PAPLN: variants seen among roughly 807,000 people sequenced by gnomAD.
PAPLN encodes the protein papilin.
Under a neutral mutation model 159.0 loss-of-function variants are expected in PAPLN, and 146 were observed. The ratio of observed to expected loss-of-function variants is 0.92; its 90% CI spans 0.80 to 1.05. The LOEUF (loss-of-function observed/expected upper bound fraction) is 1.05, where lower values mean the gene tolerates loss of function less well. PAPLN is among the 50% of genes least tolerant of loss of function. The pLI is 0.00. For missense variants in PAPLN, 1,720 were observed against 1,743.9 expected, an observed-to-expected ratio of 0.99 and a Z score of 0.24; for synonymous variants, 734 against 702.9, an observed-to-expected ratio of 1.04 and a Z score of -0.70.
At chr14:73,269,495 A>ACCAT (rs1887512428) in intron 26 of PAPLN, among the ~76,000 whole-genome samples, 1 of 152,258 alleles carries the variant, frequency 6.6e-6, no homozygotes, top group African/African-American at 2.4e-5. Flanking sequence ...CAATTCTGAT[A>ACCAT]CCATCAATTA....
rs367667132 is a variant in PAPLN, at chr14:73,262,354, C to A, written c.2250C>A (p.Tyr750Ter). The stretch of plus-strand genomic sequence containing the variant: ...TATCACACCCATGCCCTGCAGCCTA[C>A]CCCGTGCGGTGCCTGCTGCCCAGTG... Reference protein sequence around the residue: ...EGCVGQPSHAYPVRCLLPSAH... With the variant: ...EGCVGQPSHA Residue 750 changes from tyrosine (Y) to a stop codon, truncating the protein, a stop_gained, in exon 19 of 27, where the codon TAC becomes TAA. Transcript: ENST00000644200. LOFTEE classifies it high-confidence loss of function. 5 of 1,610,166 alleles carry A rather than the reference C, an allele frequency of 3.1e-6. No individual in the cohort carries two copies. The African/African-American group carries it at 6.7e-5, about 21-fold the overall frequency.
Position 73,265,222 on chromosome 14 carries a change from T to C in PAPLN, c.3126-148T>C. The stretch of plus-strand genomic sequence containing the variant: ...TTCACCCCAGGTAGTTATTGACCAT[T>C]TCCTAACCAGAACAAGGCAGGGGAT... On this transcript the variant is annotated intron_variant, in intron 22 of 26. Transcript: ENST00000644200. This position sits in a 1 kb window ranked among gnomAD's most constrained non-coding sequence, Gnocchi z 4.1. The C allele has an allele frequency of 5.3e-6, 7 of 1,313,210 alleles. No individual in the cohort carries two copies. The East Asian group carries it at 7.4e-5, about 14-fold the overall frequency. The allele number at this position is 1,313,210 out of a possible 1,614,324, so 81.3% of individuals were successfully genotyped here. A position where few individuals can be genotyped will look rare whatever the true frequency, so the allele number is the denominator to read the frequency against.
Position 73,272,565 on chromosome 14 carries a change from G to C in PAPLN, c.3738G>C (p.Leu1246Phe), listed in dbSNP as rs538710096. 7.8e-5 allele frequency: 125 copies of C among 1,603,012 alleles called. No individual in the cohort carries two copies. In the Middle Eastern group the frequency reaches 2.1e-3, roughly 28 times the overall value. Residue 1246 changes from leucine (L) to phenylalanine (F), a missense_variant, in exon 27 of 27, where the codon TTG becomes TTC. Physicochemically the swap from Leu to Phe is conservative, Grantham distance 22. Transcript: ENST00000644200. ...VDQPELANCD[L>F]ILQAQLCGNE... is the part of the protein sequence containing the mutation. ...AGCCAGAGCTGGCCAACTGTGATTTGATCCTGCAGGCCCAGCTTTGTGGCA... is the reference window on the plus strand; with the variant it reads ...AGCCAGAGCTGGCCAACTGTGATTTCATCCTGCAGGCCCAGCTTTGTGGCA...
chr14:73,270,411 G>C (rs1446861382), intron 26 of PAPLN, among the ~76,000 whole-genome samples: 1 of 152,222 alleles, frequency 6.6e-6, no homozygotes, highest in Non-Finnish European at 1.5e-5. Context: ...CGGTGAACGG[G>C]AGCGTTAAAA....
intron 19 of PAPLN, 174 bp downstream of exon 19, chr14:73,263,001 G>A (rs535301646): frequency 1.9e-4 from 100 of 530,812 alleles, no homozygotes; most frequent in African/African-American, 1.8e-3. Flanking sequence ...GGAGAAGCTG[G>A]GGCTTCAGAG....
intron 2 of PAPLN, among the ~76,000 whole-genome samples, chr14:73,241,892 T>TC (rs1883590257): frequency 6.6e-6 from 1 of 152,250 alleles, no homozygotes; most frequent in South Asian, 2.1e-4. Flanking sequence ...GGCAGTTGAT[T>TC]CCCCTGGAAA....
intron 5 of PAPLN, 87 bp from the exon 6 acceptor site, chr14:73,249,897 C>T: frequency 7.0e-7 from 1 of 1,435,006 alleles, no homozygotes. Context: ...CTGACCCATG[C>T]TTTCCTGTTG....
At position 73,255,016 on chromosome 14, in the gene PAPLN, A is replaced by G; in HGVS notation, c.1625A>G (p.Gln542Arg). Reference protein sequence around the residue: ...PCNTQPCHLPQEVPSMQDVHT... With the variant: ...PCNTQPCHLPREVPSMQDVHT... Reference sequence around the variant, plus strand: ...AACACGCAGCCCTGTCATCTCCCCCAGGGTAAGGACAGGAGGGCAGGGAGG... The same window carrying G: ...AACACGCAGCCCTGTCATCTCCCCCGGGGTAAGGACAGGAGGGCAGGGAGG... Residue 542 changes from glutamine (Q) to arginine (R), a missense_variant and splice_region_variant, in exon 14 of 27, where the codon CAG becomes CGG. Transcript: ENST00000644200. 1.2e-6 allele frequency: 2 copies of G among 1,612,404 alleles called. No homozygotes were observed. Among genetic ancestry groups the G allele is most frequent in the Non-Finnish European group, 8.5e-7 (1 of 1,179,506 alleles).
chr14:73,266,502 C>T lies in PAPLN; in HGVS notation c.3265C>T (p.His1089Tyr), dbSNP rs1887224989. 1 of 1,613,792 alleles carries T rather than the reference C, an allele frequency of 6.2e-7. No individual in the cohort carries two copies. The highest frequency in any genetic ancestry group is 1.7e-5 in the Admixed American group (1 of 60,000). ...RDGQPVSSPRHQLQPDGSLVI... is the reference protein window; with the variant it reads ...RDGQPVSSPRYQLQPDGSLVI... Reference sequence around the variant, plus strand: ...CAACTGGCTGTACTTGGTCCCCAGACACCAGCTGCAGCCTGATGGCTCCCT... The same window carrying T: ...CAACTGGCTGTACTTGGTCCCCAGATACCAGCTGCAGCCTGATGGCTCCCT... Residue 1089 changes from histidine (H) to tyrosine (Y), a missense_variant and splice_region_variant, in exon 24 of 27, where the codon CAC becomes TAC. Transcript: ENST00000644200.
Position 73,239,810 on chromosome 14 carries a change from T to C in PAPLN, c.32T>C (p.Leu11Pro). MRLLLLVPLL[L>P]APAPGSSAPK... ...CTGCTCCTGCTCGTGCCGCTGCTGC[T>C]GGCTCCAGCGCCCGGGTCCTCGGTG... Residue 11 changes from leucine (L) to proline (P), a missense_variant, in exon 2 of 27, where the codon CTG becomes CCG. Physicochemically the swap from Leu to Pro is moderately conservative, Grantham distance 98 (BLOSUM62 -3). Transcript: ENST00000644200. The C allele has an allele frequency of 6.3e-7, 1 of 1,594,974 alleles. No homozygotes were observed. Among genetic ancestry groups the C allele is most frequent in the Non-Finnish European group, 8.5e-7 (1 of 1,176,364 alleles).
At position 73,268,544 on chromosome 14, in the gene PAPLN, C is replaced by T. The variant is rs777535602; in HGVS notation, c.3501-13C>T. 1.0e-5 allele frequency: 16 copies of T among 1,606,766 alleles called. No homozygotes were observed. The highest frequency in any genetic ancestry group is 2.7e-5 in the African/African-American group (2 of 74,736). On this transcript the variant is annotated splice_polypyrimidine_tract_variant and intron_variant, in intron 25 of 26. Coordinates refer to ENST00000644200, the MANE Select transcript of PAPLN (RefSeq NM_001365906.3). ...GGCCCTTGATGGCTCTCCCAGTGTCCTCTCTCCTCCAGGAACGGGCTACCT... is the reference window on the plus strand; with the variant it reads ...GGCCCTTGATGGCTCTCCCAGTGTCTTCTCTCCTCCAGGAACGGGCTACCT...
chr14:73,238,338 C>T (rs999564007), intron 1 of PAPLN, among the ~76,000 whole-genome samples: 1 of 152,236 alleles, frequency 6.6e-6, no homozygotes, highest in African/African-American at 2.4e-5. Context: ...GGTCCCTGCC[C>T]TCGGGCGGCA....
intron 26 of PAPLN, chr14:73,272,147 T>C (rs117634003): frequency 0.014 from 2,539 of 179,982 alleles, 30 homozygotes; most frequent in Middle Eastern, 0.022. Flanking sequence ...CAAGAACAGT[T>C]GTCATTTAGT....
rs1440140229 is a variant in PAPLN, at chr14:73,245,102, T to C, written c.170+343T>C. On this transcript the variant is annotated intron_variant, in intron 3 of 26. Transcript: ENST00000644200. The surrounding 1 kb of genome is among the most constrained non-coding windows in gnomAD (Gnocchi z 4.2). ...CAATTCCTGTGGTTTCTTTACCGAG[T>C]ACAGATGTTCCCCACTTCAAGCGAT... 1 of 235,360 alleles carries C rather than the reference T, an allele frequency of 4.2e-6. No homozygotes were observed. Among genetic ancestry groups the C allele is most frequent in the Non-Finnish European group, 8.4e-6 (1 of 119,064 alleles). The allele number at this position is 235,360 out of a possible 1,614,324, so 14.6% of individuals were successfully genotyped here.
intron 5 of PAPLN, chr14:73,246,975 T>G (rs534047919): frequency 6.6e-6 from 1 of 152,328 alleles, no homozygotes; most frequent in East Asian, 1.9e-4. Flanking sequence ...TGGCAGCCAT[T>G]TTGAGGTCTT....
chr14:73,244,579 T>G, intron 2 of PAPLN, 65 bp from the exon 3 acceptor site: 1 of 1,373,384 alleles, frequency 7.3e-7, no homozygotes, highest in Non-Finnish European at 1.0e-6. Context: ...CAGAGCATCT[T>G]TGGAGGGGCC....
chr14:73,244,461 T>C, intron 2 of PAPLN, 183 bp from the exon 3 acceptor site: 1 of 559,738 alleles, frequency 1.8e-6, no homozygotes. Context: ...GCAGGCTAAT[T>C]CTGAAAAGGA....
rs148053904 is a variant in PAPLN, at chr14:73,272,643, C to G, written c.3816C>G (p.His1272Gln). The change falls in exon 27 of 27, where the codon CAC becomes CAG. Residue 1272 changes from histidine (H) to glutamine (Q), a missense_variant. Transcript: ENST00000644200. ...CCASCSRFQPHAQPIWQ is the reference protein window; with the variant it reads ...CCASCSRFQPQAQPIWQ Reference sequence around the variant, plus strand: ...CCAGCTGTTCACGTTTCCAGCCTCACGCTCAGCCCATCTGGCAGTAGGGAT... The same window carrying G: ...CCAGCTGTTCACGTTTCCAGCCTCAGGCTCAGCCCATCTGGCAGTAGGGAT... 5 of 1,581,966 alleles carry G rather than the reference C, an allele frequency of 3.2e-6. No homozygotes were observed. The South Asian group carries it at 4.5e-5, about 14-fold the overall frequency.
At position 73,266,758 on chromosome 14, in the gene PAPLN, ACAGTGC is replaced by A; in HGVS notation, c.3431_3436del (p.Val1144_Pro1145del). ...AATCTCAGGACTGCCCCCTACTGTG[ACAGTGC>A]CAGAGGGTGATACGGCCAGGCTATT... On this transcript the variant is annotated inframe_deletion, in exon 25 of 27. Transcript: ENST00000644200. 2 of 1,614,010 alleles carry A rather than the reference ACAGTGC, an allele frequency of 1.2e-6. No homozygotes were observed. Among genetic ancestry groups the A allele is most frequent in the Non-Finnish European group, 8.5e-7 (1 of 1,179,968 alleles).
Sources: allele counts gnomAD v4.1 joint callset (sites outside exome capture counted in the v4.1 genomes callset), GRCh38; gene constraint gnomAD v4.1.1; non-coding constraint Gnocchi (gnomAD v3.1); transcripts MANE v1.5; gene names NCBI Gene and HGNC (gene_info 2026-07-23, HGNC 2026-07-21).